Variants in KLHL26 observed in about 807,000 individuals in gnomAD.
KLHL26 encodes kelch like family member 26, also known as kelch-like protein 26.
In KLHL26, 4 loss-of-function variants were observed where a neutral mutation model predicts 7.1. That is an observed-to-expected ratio of 0.56 (90% confidence interval 0.28 to 1.28). The LOEUF (loss-of-function observed/expected upper bound fraction) is 1.28, where lower values mean the gene tolerates loss of function less well. Ranked by LOEUF, KLHL26 falls within the 50% of genes most tolerant of loss-of-function variation. The pLI, the probability that KLHL26 is intolerant of heterozygous loss-of-function variation, is 0.11. For missense variants in KLHL26, 896 were observed against 924.6 expected (o/e 0.97, Z 0.40); for synonymous variants, 465 against 414.1 (o/e 1.12, Z -1.49).
chr19:18,639,814 G>A (rs759487924), intron 1 of KLHL26, among the ~76,000 whole-genome samples: 35 of 152,016 alleles, frequency 2.3e-4, no homozygotes, highest in Admixed American at 3.9e-4. Flanking sequence ...AAGCTCGTCT[G>A]CAATTAACCC....
At position 18,648,828 on chromosome 19, in the gene KLHL26, C is replaced by G. The variant is rs922091046; in HGVS notation, c.83+11691C>G. 5.3e-5 allele frequency among the ~76,000 whole-genome samples: 8 copies of G among 152,166 alleles called. No individual in the cohort carries two copies. Among genetic ancestry groups the G allele is most frequent in the African/African-American group, 1.9e-4 (8 of 41,440 alleles). On this transcript the variant is annotated intron_variant, in intron 1 of 2. Coordinates refer to ENST00000300976, the MANE Select transcript of KLHL26 (RefSeq NM_018316.3). This position sits in a 1 kb window ranked among gnomAD's most constrained non-coding sequence, Gnocchi z 4.9. Reference sequence around the variant, plus strand: ...CCTTCGAGCCACAGCCTGGAGCCAGCTCCTCCTGCTCTCTCCTCCCCATCC... The same window carrying G: ...CCTTCGAGCCACAGCCTGGAGCCAGGTCCTCCTGCTCTCTCCTCCCCATCC...
At chr19:18,640,551 ATTT>A (rs56247740) in intron 1 of KLHL26, among the ~76,000 whole-genome samples, 7 of 96,654 alleles carry the variant, frequency 7.2e-5, no homozygotes, top group Non-Finnish European at 1.2e-4. Context: ...CTATGTTTTA[ATTT>A]TTTTTTTTTT....
At position 18,667,777 on chromosome 19, in the gene KLHL26, C is replaced by T. The variant is rs1334181316; in HGVS notation, c.380C>T (p.Thr127Ile). The T allele has an allele frequency of 6.2e-7, 1 of 1,613,430 alleles. No individual in the cohort carries two copies. Among genetic ancestry groups the T allele is most frequent in the South Asian group, 1.1e-5 (1 of 91,086 alleles). The change falls in exon 3 of 3, where the codon ACA (threonine) becomes ATA (isoleucine). Residue 127 changes from threonine to isoleucine, a missense_variant. Coordinates refer to ENST00000300976, the MANE Select transcript of KLHL26 (RefSeq NM_018316.3). ...IIDFAYSAEV[T>I]LDLDCVQDVL... ...GACTTCGCCTACAGCGCCGAGGTGACACTGGACCTGGACTGCGTGCAGGAC... is the reference window on the plus strand; with the variant it reads ...GACTTCGCCTACAGCGCCGAGGTGATACTGGACCTGGACTGCGTGCAGGAC...
chr19:18,638,595 T>C (rs1228352141), intron 1 of KLHL26, among the ~76,000 whole-genome samples: 1 of 152,136 alleles, frequency 6.6e-6, no homozygotes, highest in Non-Finnish European at 1.5e-5. Context: ...GCTTGAAAAT[T>C]GGGTATCAGT....
chr19:18,647,918 A>G (rs554948695), intron 1 of KLHL26, among the ~76,000 whole-genome samples: 1 of 152,182 alleles, frequency 6.6e-6, no homozygotes, highest in African/African-American at 2.4e-5. Context: ...GGTGCTGGAC[A>G]TGAAGGGTCC....
intron 1 of KLHL26, among the ~76,000 whole-genome samples, chr19:18,657,655 G>T (rs1388866329): frequency 1.3e-5 from 2 of 152,154 alleles, no homozygotes; most frequent in African/African-American, 4.8e-5. Context: ...CTGCGGTGGG[G>T]CCCTGCACCC....
In KLHL26 at chr19:18,668,548, A is replaced by G. The variant is rs758386294; in HGVS notation, c.1151A>G (p.Tyr384Cys). The G allele has an allele frequency of 1.9e-6, 3 of 1,593,586 alleles. No individual in the cohort carries two copies. Among genetic ancestry groups the G allele is most frequent in the Non-Finnish European group, 2.6e-6 (3 of 1,173,680 alleles). Reference sequence around the variant, plus strand: ...GGCGAGGGCGCAGTGGACGCCTGCTACCGCTACGACCCCCACCTGAATCGC... The same window carrying G: ...GGCGAGGGCGCAGTGGACGCCTGCTGCCGCTACGACCCCCACCTGAATCGC... ...RSGEGAVDAC[Y>C]RYDPHLNRWL... Residue 384 changes from tyrosine (Y) to cysteine (C), a missense_variant, in exon 3 of 3, where the codon TAC (tyrosine) becomes TGC (cysteine). Physicochemically the swap from Tyr to Cys is radical, Grantham distance 194 (BLOSUM62 -2). Coordinates refer to ENST00000300976, the MANE Select transcript of KLHL26 (RefSeq NM_018316.3).
chr19:18,666,834 G>A (rs1182917753), intron 2 of KLHL26, among the ~76,000 whole-genome samples: 1 of 152,248 alleles, frequency 6.6e-6, no homozygotes, highest in Non-Finnish European at 1.5e-5. Context: ...CAGTGAACAA[G>A]GTGAGGGTTG....
At chr19:18,664,691 C>T (rs1944505560) in intron 2 of KLHL26, among the ~76,000 whole-genome samples, 1 of 151,870 alleles carries the variant, frequency 6.6e-6, no homozygotes, top group South Asian at 2.1e-4. Flanking sequence ...AAGCAGTTCT[C>T]CTGCCTCAGC....
intron 1 of KLHL26, among the ~76,000 whole-genome samples, chr19:18,637,621 G>C (rs58837313): frequency 0.13 from 19,326 of 151,136 alleles, 1,273 homozygotes; most frequent in Non-Finnish European, 0.15. Flanking sequence ...GCTGAGGGGC[G>C]CTGGAAGGAG....
rs77076412 is a variant in KLHL26 at position 18,651,203 on chromosome 19, C to T, written c.84-13058C>T. On this transcript the variant is annotated intron_variant, in intron 1 of 2. Transcript: ENST00000300976. ...CTCTGTCATCCCTCTTGTCTGGGTG[C>T]TGCCCACCTGGTAGAAAGGGGACCT... Among the ~76,000 whole-genome samples the T allele has an allele frequency of 1.6e-3, 251 of 152,278 alleles. 2 individuals are homozygous for T. In the East Asian group the frequency reaches 0.029, roughly 18 times the overall value.
intron 1 of KLHL26, 58 bp downstream of exon 1, chr19:18,637,195 G>C: frequency 7.9e-7 from 1 of 1,265,196 alleles, no homozygotes; most frequent in Non-Finnish European, 9.9e-7. Context: ...GAAACCTGTG[G>C]GCAGTCTTGG....
chr19:18,668,970 G>C lies in KLHL26; in HGVS notation c.1573G>C (p.Asp525His), dbSNP rs2052493759. 5 of 1,611,920 alleles carry C rather than the reference G, an allele frequency of 3.1e-6. No individual in the cohort carries two copies. The highest frequency in any genetic ancestry group is 1.1e-5 in the South Asian group (1 of 91,086). The change falls in exon 3 of 3, where the codon GAC becomes CAC. Residue 525 changes from aspartate to histidine, a missense_variant. By Grantham distance (81) the Asp-to-His change is moderately conservative. Transcript: ENST00000300976. ...GRMDHVDRCF[D>H]VLAVEYYVPE... Reference sequence around the variant, plus strand: ...CATGGACCACGTGGACCGCTGCTTCGACGTGCTGGCTGTGGAGTACTATGT... The same window carrying C: ...CATGGACCACGTGGACCGCTGCTTCCACGTGCTGGCTGTGGAGTACTATGT...
Position 18,668,646 on chromosome 19 carries a change from G to T in KLHL26, c.1249G>T (p.Ala417Ser). ...QLNVLCGMVY[A>S]TGGRNRAGSL... is the part of the protein sequence containing the mutation. ...GAACGTGCTGTGCGGCATGGTGTAC[G>T]CCACGGGCGGCCGCAACCGAGCCGG... The change falls in exon 3 of 3, where the codon GCC becomes TCC. Residue 417 changes from alanine to serine, a missense_variant. By Grantham distance (99) the Ala-to-Ser change is moderately conservative. Coordinates refer to ENST00000300976, the MANE Select transcript of KLHL26 (RefSeq NM_018316.3). 6.4e-7 allele frequency: 1 copy of T among 1,567,738 alleles called. No homozygotes were observed. The highest frequency in any genetic ancestry group is 1.3e-5 in the African/African-American group (1 of 74,128).
At chr19:18,664,667 C>T (rs566463012) in intron 2 of KLHL26, among the ~76,000 whole-genome samples, 19 of 152,100 alleles carry the variant, frequency 1.2e-4, no homozygotes, top group African/African-American at 3.6e-4. Flanking sequence ...CTGCAACCTC[C>T]GCCTCCTGGG....
At chr19:18,638,767 C>T (rs1462691353) in intron 1 of KLHL26, among the ~76,000 whole-genome samples, 2 of 152,120 alleles carry the variant, frequency 1.3e-5, no homozygotes, top group East Asian at 3.9e-4. Context: ...GTGACGCCAC[C>T]AAGGCTCACC....
In KLHL26 at chr19:18,670,107, G is replaced by A. The variant is rs3795028; in HGVS notation, c.*862G>A. Reference sequence around the variant, plus strand: ...AGTGGCGCTTGCCGCAGGTCTGGTGGGGTGTCTTTTTTCTCCTCCCTCCTT... The same window carrying A: ...AGTGGCGCTTGCCGCAGGTCTGGTGAGGTGTCTTTTTTCTCCTCCCTCCTT... On this transcript the variant is annotated 3_prime_UTR_variant, in exon 3 of 3. Transcript: ENST00000300976. 19,124 of 152,170 alleles carry A rather than the reference G, an allele frequency of 0.13. 1,365 individuals carry two copies. The highest frequency in any genetic ancestry group is 0.21 in the Middle Eastern group (62 of 296). 9.4% of individuals were successfully genotyped at this position (152,170 alleles called of 1,614,324 possible).
In KLHL26 at chr19:18,656,679, G is replaced by A. The variant is rs959775106; in HGVS notation, c.84-7582G>A. On this transcript the variant is annotated intron_variant, in intron 1 of 2. Coordinates refer to ENST00000300976, the MANE Select transcript of KLHL26 (RefSeq NM_018316.3). This position sits in a 1 kb window ranked among gnomAD's most constrained non-coding sequence, Gnocchi z 4.4. Reference sequence around the variant, plus strand: ...TGGGCCAACAGGCGCAACTCACGGCGAGCCCTGTCTGCCTCAGTAGCGCGG... The same window carrying A: ...TGGGCCAACAGGCGCAACTCACGGCAAGCCCTGTCTGCCTCAGTAGCGCGG... Among the ~76,000 whole-genome samples the A allele has an allele frequency of 8.9e-5, 13 of 145,906 alleles. No homozygotes were observed. The highest frequency in any genetic ancestry group is 2.0e-4 in the African/African-American group (8 of 39,278).
At chr19:18,642,759 T>G (rs988802571) in intron 1 of KLHL26, among the ~76,000 whole-genome samples, 1 of 151,366 alleles carries the variant, frequency 6.6e-6, no homozygotes, top group African/African-American at 2.4e-5. Context: ...TGCAGCCTTC[T>G]TGACCTCCTG....
Sources: allele counts gnomAD v4.1 joint callset (sites outside exome capture counted in the v4.1 genomes callset), GRCh38; gene constraint gnomAD v4.1.1; non-coding constraint Gnocchi (gnomAD v3.1); transcripts MANE v1.5; gene names NCBI Gene and HGNC (gene_info 2026-07-23, HGNC 2026-07-21).